CATSPERT: variants seen among roughly 807,000 people sequenced by gnomAD.
CATSPERT encodes cation channel sperm-associated targeting subunit tau.
chr2:201,493,007 C>G, the CATSPERT span: 63 of 1,536,408 alleles, frequency 4.1e-5, no homozygotes, highest in Non-Finnish European at 5.3e-5. Context: ...TCTTGGAGTT[C>G]TTCAAGGTGT....
At chr2:201,516,251 A>G in the CATSPERT span, among the ~76,000 whole-genome samples, 6 of 152,184 alleles carry the variant, frequency 3.9e-5, no homozygotes, top group African/African-American at 1.2e-4. Flanking sequence ...TATTCAGTGT[A>G]TTAGTTTGTT....
At chr2:201,536,180 A>G in the CATSPERT span, 1 of 1,613,546 alleles carries the variant, frequency 6.2e-7, no homozygotes, top group East Asian at 2.2e-5. Context: ...TTTCCTGGTT[A>G]GAAATAGTGC....
chr2:201,492,069 C>T, the CATSPERT span: 1 of 1,529,308 alleles, frequency 6.5e-7, no homozygotes, highest in African/African-American at 1.4e-5. Flanking sequence ...ATGAATTTCC[C>T]TTTAAATTCT....
the CATSPERT span, among the ~76,000 whole-genome samples, chr2:201,567,784 A>G: frequency 0.055 from 8,378 of 152,310 alleles, 282 homozygotes; most frequent in African/African-American, 0.08. Flanking sequence ...ATCTCATCAT[A>G]AACACCCTCC....
chr2:201,535,061 C>T, the CATSPERT span: 2 of 852,270 alleles, frequency 2.3e-6, no homozygotes, highest in African/African-American at 3.7e-5. Context: ...ACATTTCTCT[C>T]CATTTTCTAA....
At chr2:201,497,945 A>G in the CATSPERT span, among the ~76,000 whole-genome samples, 4 of 152,304 alleles carry the variant, frequency 2.6e-5, no homozygotes, top group African/African-American at 9.6e-5. Flanking sequence ...ACTTTGAGAA[A>G]ATACAGAAAA....
chr2:201,584,738 G>A, the CATSPERT span, among the ~76,000 whole-genome samples: 4 of 151,970 alleles, frequency 2.6e-5, no homozygotes, highest in African/African-American at 9.7e-5. Flanking sequence ...AGCCAAGATC[G>A]TGCCACTGCA....
At chr2:201,530,551 C>A in the CATSPERT span, among the ~76,000 whole-genome samples, 1 of 148,304 alleles carries the variant, frequency 6.7e-6, no homozygotes, top group Non-Finnish European at 1.5e-5. Flanking sequence ...TATTTCCCAA[C>A]AGTACCATCA....
At chr2:201,573,490 C>T in the CATSPERT span, among the ~76,000 whole-genome samples, 2 of 152,144 alleles carry the variant, frequency 1.3e-5, no homozygotes, top group African/African-American at 2.4e-5. Flanking sequence ...AGTGATCCTC[C>T]GGCTTCAGCC....
At chr2:201,508,261 AT>A in the CATSPERT span, among the ~76,000 whole-genome samples, 1 of 152,250 alleles carries the variant, frequency 6.6e-6, no homozygotes, top group African/African-American at 2.4e-5. Context: ...ACAATATGAC[AT>A]AGTCAAAGGG....
the CATSPERT span, among the ~76,000 whole-genome samples, chr2:201,542,040 T>A: frequency 6.6e-6 from 1 of 152,194 alleles, no homozygotes; most frequent in African/African-American, 2.4e-5. Context: ...ATTACATGCA[T>A]GAGCCACTGT....
the CATSPERT span, among the ~76,000 whole-genome samples, chr2:201,611,066 A>G: frequency 6.6e-6 from 1 of 152,330 alleles, no homozygotes; most frequent in African/African-American, 2.4e-5. Flanking sequence ...CTAGAATAAG[A>G]CAAGAATGCC....
At chr2:201,490,748 G>A in the CATSPERT span, among the ~76,000 whole-genome samples, 1 of 152,098 alleles carries the variant, frequency 6.6e-6, no homozygotes, top group Non-Finnish European at 1.5e-5. Context: ...TTTTGAGACG[G>A]GGTCTCACTC....
At chr2:201,608,535 C>T in the CATSPERT span, among the ~76,000 whole-genome samples, 4 of 152,162 alleles carry the variant, frequency 2.6e-5, no homozygotes, top group East Asian at 1.9e-4. Context: ...AAAGAAAATA[C>T]GCTGGACACA....
At chr2:201,535,975 C>CT in the CATSPERT span, 1 of 1,605,866 alleles carries the variant, frequency 6.2e-7, no homozygotes, top group Non-Finnish European at 8.5e-7. Context: ...GGAGATGAAT[C>CT]TAAGTTCCTG....
the CATSPERT span, chr2:201,537,390 T>C: frequency 1.4e-6 from 2 of 1,425,382 alleles, no homozygotes; most frequent in Admixed American, 2.0e-5. Context: ...ATTTTATCCC[T>C]TTATAAAATA....
At chr2:201,538,588 C>T in the CATSPERT span, among the ~76,000 whole-genome samples, 1 of 152,016 alleles carries the variant, frequency 6.6e-6, no homozygotes, top group Non-Finnish European at 1.5e-5. Flanking sequence ...TACTCTATGA[C>T]CAGTGATCTT....
chr2:201,575,742 G>A, the CATSPERT span, among the ~76,000 whole-genome samples: 19 of 152,044 alleles, frequency 1.2e-4, no homozygotes, highest in African/African-American at 4.4e-4. Flanking sequence ...CTGATTCTAC[G>A]TTCTGATGAG....
chr2:201,537,307 T>C, the CATSPERT span: 1 of 697,150 alleles, frequency 1.4e-6, no homozygotes. Context: ...ATTGCCATAA[T>C]AGAAACCATA....
Sources: gnomAD v4.1 joint callset for allele counts (sites outside exome capture counted in the v4.1 genomes callset) on GRCh38, gnomAD v4.1.1 for gene constraint, MANE v1.5 for transcripts, NCBI Gene and HGNC (gene_info 2026-07-23, HGNC 2026-07-21) for gene names.